The following SLC26A9 variants were observed in gnomAD, a reference collection of about 807,000 sequenced individuals.
SLC26A9 encodes the protein solute carrier family 26 member 9.
A neutral mutation model predicts 87.1 loss-of-function variants in SLC26A9; 46 were observed. That is an observed-to-expected ratio of 0.53 (90% CI 0.42 to 0.67). The LOEUF (loss-of-function observed/expected upper bound fraction) is 0.67. Among genes scored for constraint, SLC26A9 ranks in the 30% least tolerant of loss-of-function variants. The pLI, the probability that SLC26A9 is intolerant of heterozygous loss-of-function variation, is 0.00. For synonymous variants in SLC26A9, 437 were observed against 409.1 expected (o/e 1.07, Z -0.82); for missense variants, 927 against 1,018.3 (o/e 0.91, Z 1.22).
Position 205,914,661 on chromosome 1 carries a change from G to C in SLC26A9, c.*696C>G, listed in dbSNP as rs944107381. On this transcript the variant is annotated 3_prime_UTR_variant, in exon 21 of 21. Coordinates refer to ENST00000367135, the MANE Select transcript of SLC26A9 (RefSeq NM_052934.4). ...AACCTTAGTGGGCTGTCCCCGGGGA[G>C]GTAGCTCTGGTGGTCTCGACGGTCC... 1 of 509,486 alleles carries C rather than the reference G, an allele frequency of 2.0e-6. No individual in the cohort carries two copies. Among genetic ancestry groups the C allele is most frequent in the African/African-American group, 1.9e-5 (1 of 52,470 alleles). 31.6% of individuals were successfully genotyped at this position (509,486 alleles called of 1,614,324 possible).
At chr1:205,940,071 A>AG (rs35901573) in intron 1 of SLC26A9, among the ~76,000 whole-genome samples, 3,565 of 151,992 alleles carry the variant, frequency 0.023, 138 homozygotes, top group African/African-American at 0.081. Flanking sequence ...AGGGACTTAG[A>AG]GGGGGTCTGT....
At chr1:205,941,802 G>A (rs1473818829) in intron 1 of SLC26A9, among the ~76,000 whole-genome samples, 1 of 152,218 alleles carries the variant, frequency 6.6e-6, no homozygotes, top group Non-Finnish European at 1.5e-5. Flanking sequence ...ACAAGGTCAT[G>A]GGCTCCCTGG....
intron 5 of SLC26A9, among the ~76,000 whole-genome samples, chr1:205,930,993 T>C (rs555952858): frequency 1.3e-5 from 2 of 152,348 alleles, no homozygotes; most frequent in African/African-American, 4.8e-5. Flanking sequence ...GAATTGGACC[T>C]CTTTCTTACT....
intron 11 of SLC26A9, 112 bp downstream of exon 11, chr1:205,927,099 G>A: frequency 9.2e-7 from 1 of 1,083,562 alleles, no homozygotes; most frequent in South Asian, 1.3e-5. Context: ...TTGTGGTTGA[G>A]ACTAAGTGTG....
At position 205,913,542 on chromosome 1, in the gene SLC26A9, A is replaced by C. The variant is rs974772610; in HGVS notation, c.*1815T>G. 1.4e-4 allele frequency: 21 copies of C among 152,624 alleles called. No individual in the cohort carries two copies. The highest frequency in any genetic ancestry group is 5.1e-4 in the African/African-American group (21 of 41,428). 9.5% of individuals were successfully genotyped at this position (152,624 alleles called of 1,614,324 possible). On this transcript the variant is annotated 3_prime_UTR_variant, in exon 21 of 21. Coordinates refer to ENST00000367135, the MANE Select transcript of SLC26A9 (RefSeq NM_052934.4). The stretch of plus-strand genomic sequence containing the variant: ...GTTCAAAGGGGACTCTGACTTGGAA[A>C]TTCCTGAGGCTCTGTGACCTTCTCC...
At chr1:205,923,764 A>G (rs2102580254) in intron 13 of SLC26A9, 151 bp from the exon 14 acceptor site, 1 of 801,428 alleles carries the variant, frequency 1.2e-6, no homozygotes, top group Admixed American at 2.2e-5. Context: ...TGCACTGGAG[A>G]CACATGTCTG....
In SLC26A9 at chr1:205,915,278, C is replaced by G; in HGVS notation, c.*79G>C. Reference sequence around the variant, plus strand: ...ATGCACTTTCCTCCGCCCGACACCCCCTGTGACCCCAGGCTCATCCTTTAT... The same window carrying G: ...ATGCACTTTCCTCCGCCCGACACCCGCTGTGACCCCAGGCTCATCCTTTAT... On this transcript the variant is annotated 3_prime_UTR_variant, in exon 21 of 21. Coordinates refer to ENST00000367135, the MANE Select transcript of SLC26A9 (RefSeq NM_052934.4). 6.2e-7 allele frequency: 1 copy of G among 1,606,030 alleles called. No homozygotes were observed. Among genetic ancestry groups the G allele is most frequent in the Non-Finnish European group, 8.5e-7 (1 of 1,175,212 alleles).
intron 5 of SLC26A9, among the ~76,000 whole-genome samples, chr1:205,930,681 G>C (rs1284955014): frequency 1.3e-5 from 2 of 152,080 alleles, no homozygotes; most frequent in Non-Finnish European, 2.9e-5. Context: ...ATCCTCTTCT[G>C]GGCCCTCTAC....
chr1:205,931,653 G>A (rs1286712008), intron 5 of SLC26A9, among the ~76,000 whole-genome samples: 1 of 151,990 alleles, frequency 6.6e-6, no homozygotes, highest in East Asian at 1.9e-4. Flanking sequence ...TTTTGGTAGA[G>A]ATGGGGTTTC....
At chr1:205,943,048 A>AT (rs1268056889) in intron 1 of SLC26A9, among the ~76,000 whole-genome samples, 1 of 152,074 alleles carries the variant, frequency 6.6e-6, no homozygotes, top group African/African-American at 2.4e-5. Flanking sequence ...AAGGTCTAAC[A>AT]TTTTCCTTTC....
At chr1:205,921,030 G>C (rs1386388896) in intron 17 of SLC26A9, among the ~76,000 whole-genome samples, 1 of 152,242 alleles carries the variant, frequency 6.6e-6, no homozygotes, top group Non-Finnish European at 1.5e-5. Context: ...CCCCTGGCTT[G>C]CCTCTATCTG....
At position 205,931,465 on chromosome 1, in the gene SLC26A9, G is replaced by GTTTTTTTTTTTTTTTTTT. The variant is rs34820138; in HGVS notation, c.552+377_552+394dup. On this transcript the variant is annotated intron_variant, in intron 5 of 20. Transcript: ENST00000367135. ...GAGGGAGGAGGTGAGCCCTAACTTGGTTTTTTTTTTTTTTTTTTTGAGACG... is the reference window on the plus strand; with the variant it reads ...GAGGGAGGAGGTGAGCCCTAACTTGGTTTTTTTTTTTTTTTTTTTTTTTTTTTTTTTTTTTTTGAGACG... Among the ~76,000 whole-genome samples the GTTTTTTTTTTTTTTTTTT allele has an allele frequency of 1.9e-3, 187 of 95,956 alleles. 31 individuals carry two copies. The highest frequency in any genetic ancestry group is 3.4e-3 in the African/African-American group (79 of 23,088). 63.0% of individuals were successfully genotyped at this position (95,956 alleles called of 152,430 possible).
intron 2 of SLC26A9, 27 bp from the exon 3 acceptor site, chr1:205,933,111 G>T (rs2102596627): frequency 1.9e-6 from 3 of 1,614,104 alleles, no homozygotes; most frequent in African/African-American, 1.3e-5. Context: ...AAAATTTCCA[G>T]TCGGCTCTGC....
At chr1:205,938,909 G>T (rs1342926791) in intron 1 of SLC26A9, among the ~76,000 whole-genome samples, 4 of 152,230 alleles carry the variant, frequency 2.6e-5, no homozygotes, top group Non-Finnish European at 5.9e-5. Context: ...AGAGCAACAG[G>T]TAGGTGACTC....
At chr1:205,917,097 T>TA (rs397957046) in intron 20 of SLC26A9, among the ~76,000 whole-genome samples, 186 bp downstream of exon 20, 20,141 of 110,800 alleles carry the variant, frequency 0.18, 2,351 homozygotes, top group African/African-American at 0.38. Context: ...TGTCTCAAAT[T>TA]AAAAAAAAAA....
Position 205,920,195 on chromosome 1 carries a change from G to C in SLC26A9, c.2091C>G (p.Val697=). 6.2e-7 allele frequency: 1 copy of C among 1,614,062 alleles called. No individual in the cohort carries two copies. Among genetic ancestry groups the C allele is most frequent in the Non-Finnish European group, 8.5e-7 (1 of 1,179,936 alleles). The part of the protein sequence containing the change: ...SSTYGKIGVK[V]FLVNIHAQVY... ...TCTTACCATGGATGTTCACCAAGAA[G>C]ACCTTCACGCCGATCTTCCCATAGG... The change falls in exon 18 of 21, where the codon GTC becomes GTG. Residue 697 remains valine (V), a synonymous_variant. Coordinates refer to ENST00000367135, the MANE Select transcript of SLC26A9 (RefSeq NM_052934.4).
At position 205,927,254 on chromosome 1, in the gene SLC26A9, A is replaced by G. The variant is rs924824403; in HGVS notation, c.1250T>C (p.Ile417Thr). The G allele has an allele frequency of 6.2e-7, 1 of 1,614,140 alleles. No individual in the cohort carries two copies. The highest frequency in any genetic ancestry group is 8.5e-7 in the Non-Finnish European group (1 of 1,180,006). The change falls in exon 11 of 21, where the codon ATC (isoleucine) becomes ACC (threonine). Residue 417 changes from isoleucine (I) to threonine (T), a missense_variant. Coordinates refer to ENST00000367135, the MANE Select transcript of SLC26A9 (RefSeq NM_052934.4). ...ASLCVSLVVM[I>T]TMLVLGIYLY... ...ATAGATCCCCAGGACCAGCATGGTG[A>G]TCATCACCACCAGAGACACACACAG... is the stretch of plus-strand genomic sequence containing the variant.
At position 205,914,757 on chromosome 1, in the gene SLC26A9, A is replaced by C; in HGVS notation, c.*600T>G. ...GGTGGTTTGGGCAGCCTTGGGGATGATGGAGGGGGGGCGCATAGTTACCAA... is the reference window on the plus strand; with the variant it reads ...GGTGGTTTGGGCAGCCTTGGGGATGCTGGAGGGGGGGCGCATAGTTACCAA... On this transcript the variant is annotated 3_prime_UTR_variant, in exon 21 of 21. Transcript: ENST00000367135. The C allele has an allele frequency of 8.9e-7, 1 of 1,123,068 alleles. No individual in the cohort carries two copies. Among genetic ancestry groups the C allele is most frequent in the Non-Finnish European group, 1.3e-6 (1 of 789,552 alleles). 69.6% of individuals were successfully genotyped at this position (1,123,068 alleles called of 1,614,324 possible).
chr1:205,942,649 G>A (rs574557866), intron 1 of SLC26A9, among the ~76,000 whole-genome samples: 3 of 152,194 alleles, frequency 2.0e-5, no homozygotes, highest in Non-Finnish European at 4.4e-5. Flanking sequence ...AGCCTGGAGA[G>A]CTGGCTGCCC....
Sources: allele counts gnomAD v4.1 joint callset (sites outside exome capture counted in the v4.1 genomes callset), GRCh38; gene constraint gnomAD v4.1.1; transcripts MANE v1.5; gene names NCBI Gene and HGNC (gene_info 2026-07-23, HGNC 2026-07-21).